CADPS2: variants seen among roughly 807,000 people sequenced by gnomAD.
CADPS2 encodes calcium dependent secretion activator 2, also known as calcium-dependent secretion activator 2.
In CADPS2, 93 loss-of-function variants were observed where a neutral mutation model predicts 172.5. The observed-to-expected ratio is 0.54, with a 90% CI of 0.46 to 0.64. The LOEUF (loss-of-function observed/expected upper bound fraction) is 0.64, where lower values mean the gene tolerates loss of function less well. Among genes scored for constraint, CADPS2 ranks in the 30% least tolerant of loss-of-function variants. The pLI, the probability that CADPS2 is intolerant of heterozygous loss-of-function variation, is 0.00. For synonymous variants in CADPS2, 546 were observed against 555.2 expected (o/e 0.98, Z 0.23); for missense variants, 1,420 against 1,565.9 (o/e 0.91, Z 1.57).
chr7:122,754,048 C>T (rs2093060113), intron 1 of CADPS2, among the ~76,000 whole-genome samples: 2 of 152,200 alleles, frequency 1.3e-5, no homozygotes, highest in African/African-American at 2.4e-5. Context: ...CAGTGTTACA[C>T]AAAACTGTGT....
At chr7:122,739,089 T>C (rs1035074369) in intron 1 of CADPS2, among the ~76,000 whole-genome samples, 2 of 152,130 alleles carry the variant, frequency 1.3e-5, no homozygotes, top group African/African-American at 4.8e-5. Context: ...TCTCTAGGCA[T>C]GATTCACAAA....
chr7:122,553,135 T>A (rs1468107413), intron 8 of CADPS2, among the ~76,000 whole-genome samples: 1 of 152,076 alleles, frequency 6.6e-6, no homozygotes, highest in East Asian at 1.9e-4. Context: ...CTGGCAAAAA[T>A]CAGGTATTAT....
chr7:122,784,004 T>C (rs1490636186), intron 1 of CADPS2, among the ~76,000 whole-genome samples: 2 of 152,228 alleles, frequency 1.3e-5, no homozygotes, highest in Admixed American at 1.3e-4. Flanking sequence ...ACATTTTCCC[T>C]CACTAAATTG....
intron 24 of CADPS2, among the ~76,000 whole-genome samples, chr7:122,385,304 T>C (rs2043492245): frequency 6.6e-6 from 1 of 152,124 alleles, no homozygotes; most frequent in Non-Finnish European, 1.5e-5. Flanking sequence ...CATTTTTTTT[T>C]CTGCTGAATT....
In CADPS2 at chr7:122,508,941, G is replaced by T. The variant is rs536364412; in HGVS notation, c.1542+4308C>A. Among the ~76,000 whole-genome samples, 105 of 152,134 alleles carry T rather than the reference G, an allele frequency of 6.9e-4. 1 individual carries two copies. Among genetic ancestry groups the T allele is most frequent in the African/African-American group, 2.4e-3 (100 of 41,520 alleles). On this transcript the variant is annotated intron_variant, in intron 9 of 29. Coordinates refer to ENST00000449022, the MANE Select transcript of CADPS2 (RefSeq NM_017954.11). ...CATGGTTTGATTTTTATCCTACACT[G>T]AGTATGTTCTGGGTTTGTAAATTTT...
chr7:122,662,710 T>G (rs950130347), intron 3 of CADPS2, among the ~76,000 whole-genome samples: 7 of 152,148 alleles, frequency 4.6e-5, no homozygotes, highest in African/African-American at 1.7e-4. Context: ...GAATAACAAC[T>G]GAAGAGAAAA....
At chr7:122,749,809 C>T (rs1343882984) in intron 1 of CADPS2, among the ~76,000 whole-genome samples, 1 of 151,846 alleles carries the variant, frequency 6.6e-6, no homozygotes. Context: ...AAGCCCTCTT[C>T]AGGATTGGCA....
chr7:122,668,459 T>A (rs550030542), intron 2 of CADPS2, among the ~76,000 whole-genome samples: 1 of 150,434 alleles, frequency 6.6e-6, no homozygotes, highest in East Asian at 2.0e-4. Flanking sequence ...TCTTCTGAAA[T>A]GCCTACATTT....
intron 6 of CADPS2, among the ~76,000 whole-genome samples, chr7:122,595,095 T>C (rs1460829577): frequency 1.3e-5 from 2 of 151,736 alleles, no homozygotes; most frequent in African/African-American, 4.8e-5. Context: ...TTGATGCCTA[T>C]GTGAGAATCT....
At chr7:122,791,571 A>G (rs560233412) in intron 1 of CADPS2, among the ~76,000 whole-genome samples, 4 of 152,326 alleles carry the variant, frequency 2.6e-5, no homozygotes, top group African/African-American at 9.6e-5. Context: ...ACAGGATGCC[A>G]TCAACAAGTG....
intron 8 of CADPS2, among the ~76,000 whole-genome samples, chr7:122,527,460 ATC>A (rs1015738274): frequency 6.6e-6 from 1 of 151,634 alleles, no homozygotes; most frequent in African/African-American, 2.4e-5. Flanking sequence ...GACAGTTGGA[ATC>A]TCTGAGGAGA....
intron 1 of CADPS2, among the ~76,000 whole-genome samples, chr7:122,858,758 T>G (rs1471529425): frequency 1.3e-5 from 2 of 152,204 alleles, no homozygotes; most frequent in South Asian, 4.1e-4. Context: ...GTGTGGCCAC[T>G]GGACATCAAT....
intron 3 of CADPS2, among the ~76,000 whole-genome samples, chr7:122,657,257 T>C (rs2135191403): frequency 6.6e-6 from 1 of 152,348 alleles, no homozygotes; most frequent in Admixed American, 6.5e-5. Context: ...CCTCCAGCTT[T>C]GTTCTTTTGG....
At chr7:122,832,781 G>A (rs1490556259) in intron 1 of CADPS2, among the ~76,000 whole-genome samples, 2 of 152,150 alleles carry the variant, frequency 1.3e-5, no homozygotes, top group African/African-American at 4.8e-5. Context: ...TATGGGAACT[G>A]CCATAAGATA....
At chr7:122,822,898 A>AT (rs1803786427) in intron 1 of CADPS2, among the ~76,000 whole-genome samples, 1 of 150,424 alleles carries the variant, frequency 6.6e-6, no homozygotes, top group Non-Finnish European at 1.5e-5. Flanking sequence ...CCCTTCGCTG[A>AT]CTCTCTTTTC....
chr7:122,635,275 T>A (rs1023353602), intron 3 of CADPS2, among the ~76,000 whole-genome samples: 26 of 152,026 alleles, frequency 1.7e-4, no homozygotes, highest in African/African-American at 5.8e-4. Flanking sequence ...TGGCTAATTT[T>A]TTTTTTTAAT....
chr7:122,322,299 C>G (rs1308565701), intron 29 of CADPS2, among the ~76,000 whole-genome samples: 1 of 152,326 alleles, frequency 6.6e-6, no homozygotes, highest in East Asian at 1.9e-4. Context: ...TTGGCCAGAG[C>G]AGATTTGAAT....
At chr7:122,839,863 A>T (rs1809860259) in intron 1 of CADPS2, among the ~76,000 whole-genome samples, 1 of 152,176 alleles carries the variant, frequency 6.6e-6, no homozygotes. Flanking sequence ...ATTGTGGAAG[A>T]CAGTGTGGCA....
At position 122,441,516 on chromosome 7, in the gene CADPS2, T is replaced by C; in HGVS notation, c.2348A>G (p.Glu783Gly). Reference sequence around the variant, plus strand: ...TAAAGTAATGTTCAAACATACCCTTTCAAGTAATGAAAGTGTAGCTTTTAG... The same window carrying C: ...TAAAGTAATGTTCAAACATACCCTTCCAAGTAATGAAAGTGTAGCTTTTAG... ...GALKATLSLLERVLMKDIATP... is the reference protein window; with the variant it reads ...GALKATLSLLGRVLMKDIATP... The change falls in exon 16 of 30, where the codon GAA becomes GGA. Residue 783 changes from glutamate to glycine, a missense_variant. Physicochemically the swap from Glu to Gly is moderately conservative, Grantham distance 98. Transcript: ENST00000449022. 6.5e-7 allele frequency: 1 copy of C among 1,528,916 alleles called. No homozygotes were observed. Among genetic ancestry groups the C allele is most frequent in the Non-Finnish European group, 8.8e-7 (1 of 1,137,612 alleles). 94.7% of individuals were successfully genotyped at this position (1,528,916 alleles called of 1,614,324 possible). A position where few individuals can be genotyped will look rare whatever the true frequency, so the allele number is the denominator to read the frequency against.
Sources: gnomAD v4.1 joint callset for allele counts (sites outside exome capture counted in the v4.1 genomes callset) on GRCh38, gnomAD v4.1.1 for gene constraint, MANE v1.5 for transcripts, NCBI Gene and HGNC (gene_info 2026-07-23, HGNC 2026-07-21) for gene names.